ATP11A: variants seen among roughly 807,000 people sequenced by gnomAD.
ATP11A encodes ATPase phospholipid transporting 11A.
In ATP11A, 81 loss-of-function variants were observed where a neutral mutation model predicts 154.4. That is an observed-to-expected ratio of 0.52 (90% CI 0.44 to 0.63). The LOEUF (loss-of-function observed/expected upper bound fraction) is 0.63, where lower values mean the gene tolerates loss of function less well. ATP11A is among the 30% of genes least tolerant of loss of function. ATP11A has a pLI of 0.00. For missense variants in ATP11A, 1,316 were observed against 1,474.3 expected (o/e 0.89, Z 1.76); for synonymous variants, 623 against 585.9 (o/e 1.06, Z -0.91).
chr13:112,861,075 A>G (rs1295419702), intron 24 of ATP11A, among the ~76,000 whole-genome samples: 2 of 152,202 alleles, frequency 1.3e-5, no homozygotes, highest in African/African-American at 4.8e-5. Flanking sequence ...GAGCAAAGGC[A>G]CGTCTTACAT....
At chr13:112,841,812 A>C (rs939611579) in intron 16 of ATP11A, among the ~76,000 whole-genome samples, 1 of 152,248 alleles carries the variant, frequency 6.6e-6, no homozygotes, top group Non-Finnish European at 1.5e-5. Context: ...GACGTGTGGG[A>C]AAAAATGACG....
At chr13:112,763,026 G>T (rs973398237) in intron 1 of ATP11A, among the ~76,000 whole-genome samples, 1 of 152,222 alleles carries the variant, frequency 6.6e-6, no homozygotes, top group Non-Finnish European at 1.5e-5. Context: ...TTTGACAGAC[G>T]CAGAAAAGCG....
At chr13:112,820,088 G>A (rs1421975239) in intron 8 of ATP11A, 138 bp downstream of exon 8, 2 of 811,282 alleles carry the variant, frequency 2.5e-6, no homozygotes, top group Non-Finnish European at 3.7e-6. Context: ...CACAGGGCCG[G>A]GCTCCACTCT....
chr13:112,764,413 T>C, intron 1 of ATP11A, among the ~76,000 whole-genome samples: 1 of 152,228 alleles, frequency 6.6e-6, no homozygotes, highest in Admixed American at 6.5e-5. Context: ...ATGGGGACAT[T>C]AGGAATATTT....
At chr13:112,716,364 C>T (rs1003806016) in intron 1 of ATP11A, among the ~76,000 whole-genome samples, 2 of 152,116 alleles carry the variant, frequency 1.3e-5, no homozygotes, top group South Asian at 2.1e-4. Flanking sequence ...TGTGGCCTGG[C>T]GTCTCCCCAG....
chr13:112,716,331 G>A (rs1266792572), intron 1 of ATP11A, among the ~76,000 whole-genome samples: 4 of 152,212 alleles, frequency 2.6e-5, no homozygotes, highest in Admixed American at 6.5e-5. Context: ...GTGGGAACCC[G>A]TGGGAATGCC....
chr13:112,763,894 A>G (rs1442768238), intron 1 of ATP11A, among the ~76,000 whole-genome samples: 1 of 152,164 alleles, frequency 6.6e-6, no homozygotes, highest in East Asian at 1.9e-4. Context: ...TCTCCCTAAA[A>G]TGTGTCAAAT....
chr13:112,707,415 C>CAAAAA (rs35020608), intron 1 of ATP11A, among the ~76,000 whole-genome samples: 1 of 80,710 alleles, frequency 1.2e-5, no homozygotes. Flanking sequence ...AATTCTGTCT[C>CAAAAA]AAAAAAAAAA....
chr13:112,756,785 C>CT (rs2076845864), intron 1 of ATP11A, among the ~76,000 whole-genome samples: 1 of 131,640 alleles, frequency 7.6e-6, no homozygotes, highest in Non-Finnish European at 1.7e-5. Context: ...GCCAGAGCAG[C>CT]TTGTGGCAGC....
chr13:112,843,402 C>T (rs921592085), intron 17 of ATP11A, among the ~76,000 whole-genome samples: 16 of 152,346 alleles, frequency 1.1e-4, no homozygotes, highest in African/African-American at 3.4e-4. Context: ...ACCCTTCTCC[C>T]GACACCACCC....
intron 1 of ATP11A, among the ~76,000 whole-genome samples, chr13:112,703,545 T>C (rs1886819271): frequency 6.6e-6 from 1 of 152,222 alleles, no homozygotes; most frequent in Non-Finnish European, 1.5e-5. Context: ...TCTGTTGCTT[T>C]ATGAAATAGA....
rs1343723375 is a variant in ATP11A, at chr13:112,808,953, C to T, written c.334-1666C>T. ...TCCCTCACCGCTGGGCATTCCTGGG[C>T]ACCTCCTCTTTGGCGTCTTCCCGCA... is the stretch of plus-strand genomic sequence containing the variant. On this transcript the variant is annotated intron_variant, in intron 4 of 29. Transcript: ENST00000375645. 2.6e-5 allele frequency among the ~76,000 whole-genome samples: 4 copies of T among 152,212 alleles called. No homozygotes were observed. In the East Asian group the frequency reaches 7.7e-4, roughly 29 times the overall value.
At chr13:112,743,524 G>A (rs184813678) in intron 1 of ATP11A, among the ~76,000 whole-genome samples, 42 of 152,244 alleles carry the variant, frequency 2.8e-4, no homozygotes, top group African/African-American at 9.9e-4. Flanking sequence ...GGCAGGTGTT[G>A]TAGGTTCCTG....
rs753287846 is a variant in ATP11A at position 112,882,016 on chromosome 13, C to G, written c.*150C>G. 7 of 1,367,728 alleles carry G rather than the reference C, an allele frequency of 5.1e-6. No individual in the cohort carries two copies. Among genetic ancestry groups the G allele is most frequent in the Non-Finnish European group, 5.9e-6 (6 of 1,021,990 alleles). 84.7% of individuals were successfully genotyped at this position (1,367,728 alleles called of 1,614,324 possible). On this transcript the variant is annotated 3_prime_UTR_variant, in exon 30 of 30. Transcript: ENST00000375645. This position sits in a 1 kb window ranked among gnomAD's most constrained non-coding sequence, Gnocchi z 5.1. ...GCGGTTCCCATCACCACTGCAGTTCCATCCCAAGTCACAGCTGCCCTAGGT... is the reference window on the plus strand; with the variant it reads ...GCGGTTCCCATCACCACTGCAGTTCGATCCCAAGTCACAGCTGCCCTAGGT...
At chr13:112,860,204 A>G in intron 23 of ATP11A, 83 bp from the exon 24 acceptor site, 2 of 1,506,822 alleles carry the variant, frequency 1.3e-6, no homozygotes, top group South Asian at 1.3e-5. Flanking sequence ...TGCATTTCAG[A>G]AAGAAAATAT....
chr13:112,765,076 TTGAGGGTTTCAG>T (rs1256326517), intron 1 of ATP11A, among the ~76,000 whole-genome samples: 1 of 152,122 alleles, frequency 6.6e-6, no homozygotes, highest in African/African-American at 2.4e-5. Context: ...CCTGGCAACT[TTGAGGGTTTCAG>T]TGAGATGGGG....
At chr13:112,864,202 G>A (rs1432657159) in intron 25 of ATP11A, among the ~76,000 whole-genome samples, 1 of 125,586 alleles carries the variant, frequency 8.0e-6, no homozygotes, top group African/African-American at 2.9e-5. Context: ...CTTCCCAGCG[G>A]GGTCCATCAC....
At chr13:112,781,178 C>T (rs1236207383) in intron 1 of ATP11A, among the ~76,000 whole-genome samples, 2 of 152,146 alleles carry the variant, frequency 1.3e-5, no homozygotes, top group Non-Finnish European at 2.9e-5. Context: ...GGTAGGACTA[C>T]AGGCGCCCAC....
At chr13:112,809,755 C>T (rs1258807801) in intron 4 of ATP11A, among the ~76,000 whole-genome samples, 1 of 152,168 alleles carries the variant, frequency 6.6e-6, no homozygotes, top group Non-Finnish European at 1.5e-5. Flanking sequence ...TCTAAGGCAC[C>T]TGCACCCAGC....
Sources: gnomAD v4.1 joint callset for allele counts (sites outside exome capture counted in the v4.1 genomes callset) on GRCh38, gnomAD v4.1.1 for gene constraint, Gnocchi (gnomAD v3.1) non-coding constraint, MANE v1.5 for transcripts, NCBI Gene and HGNC (gene_info 2026-07-23, HGNC 2026-07-21) for gene names.